NPAS3: variants seen among roughly 807,000 people sequenced by gnomAD.
NPAS3 encodes the protein neuronal PAS domain protein 3, also known as neuronal PAS domain-containing protein 3.
NPAS3 carries 14 observed loss-of-function variants against 73.1 expected under a neutral mutation model. The ratio of observed to expected loss-of-function variants is 0.19; its 90% CI spans 0.13 to 0.30. NPAS3 has a LOEUF of 0.30. Among genes scored for constraint, NPAS3 ranks in the 10% least tolerant of loss-of-function variants. The pLI, the probability that NPAS3 is intolerant of heterozygous loss-of-function variation, is 1.00. For missense variants in NPAS3, 1,096 were observed against 1,250.0 expected, an observed-to-expected ratio of 0.88 and a Z score of 1.86; for synonymous variants, 620 against 541.5, an observed-to-expected ratio of 1.14 and a Z score of -2.01.
chr14:32,938,834 C>CCCG (rs1047805754), upstream of NPAS3, among the ~76,000 whole-genome samples: 1,240 of 146,310 alleles, frequency 8.5e-3, 9 homozygotes, highest in African/African-American at 0.024. Flanking sequence ...GCCGCCTCCC[C>CCCG]CCGCCGCCGC....
chr14:33,689,470 T>C (rs1220358605), intron 6 of NPAS3, among the ~76,000 whole-genome samples: 2 of 152,168 alleles, frequency 1.3e-5, no homozygotes, highest in Admixed American at 6.5e-5. Context: ...GGTTAGGTGA[T>C]AGGAAACTGG....
Position 33,554,408 on chromosome 14 carries a change from A to G in NPAS3, c.469-5713A>G, listed in dbSNP as rs142474006. On this transcript the variant is annotated intron_variant, in intron 4 of 11. Transcript: ENST00000356141. ...TGCAGTCTGAGCCTGAATTGGAAGA[A>G]CATCACAGATGCATGGCACATTGGA... 9.9e-3 allele frequency among the ~76,000 whole-genome samples: 1,515 copies of G among 152,344 alleles called. 15 individuals are homozygous for G. The highest frequency in any genetic ancestry group is 0.054 in the Middle Eastern group (16 of 294).
At chr14:33,712,965 TTC>T (rs2060863554) in intron 6 of NPAS3, among the ~76,000 whole-genome samples, 1 of 152,146 alleles carries the variant, frequency 6.6e-6, no homozygotes, top group African/African-American at 2.4e-5. Context: ...AGGAGGCACT[TTC>T]TCTATGCTGT....
chr14:33,563,537 C>CACACACACACACACACAGAGAGAGAG, intron 5 of NPAS3, among the ~76,000 whole-genome samples: 101 of 119,684 alleles, frequency 8.4e-4, no homozygotes, highest in Non-Finnish European at 1.3e-3. Flanking sequence ...CACACACACA[C>CACACACACACACACACAGAGAGAGAG]AGAGAGAGAG....
intron 9 of NPAS3, among the ~76,000 whole-genome samples, chr14:33,779,756 C>T (rs1319445756): frequency 5.3e-5 from 8 of 152,174 alleles, no homozygotes; most frequent in African/African-American, 1.4e-4. Context: ...TAAGTGCACT[C>T]TGTGGTATCC....
At chr14:33,699,726 C>T (rs4528481) in intron 6 of NPAS3, among the ~76,000 whole-genome samples, 43,253 of 151,874 alleles carry the variant, frequency 0.28, 6,384 homozygotes, top group Admixed American at 0.41. Context: ...AATCATAGCC[C>T]AGTACCAAGT....
chr14:32,972,794 G>A (rs948652093), intron 1 of NPAS3, among the ~76,000 whole-genome samples: 2 of 152,128 alleles, frequency 1.3e-5, no homozygotes, highest in African/African-American at 4.8e-5. Context: ...TTCAGGAACT[G>A]GAAATGGATA....
intron 1 of NPAS3, among the ~76,000 whole-genome samples, chr14:33,053,790 T>A (rs1172425191): frequency 6.6e-6 from 1 of 152,178 alleles, no homozygotes; most frequent in East Asian, 1.9e-4. Context: ...TGGTAGTCCT[T>A]CTTTTCCCCC....
At chr14:33,489,454 A>G (rs1208946600) in intron 4 of NPAS3, among the ~76,000 whole-genome samples, 1 of 152,198 alleles carries the variant, frequency 6.6e-6, no homozygotes. Context: ...TTTTAAAAAA[A>G]CAGCAAAAAA....
chr14:33,596,852 T>G (rs1384716822), intron 5 of NPAS3, among the ~76,000 whole-genome samples: 2 of 152,198 alleles, frequency 1.3e-5, no homozygotes, highest in African/African-American at 4.8e-5. Context: ...CAGATGGTAG[T>G]CATTTGGCTC....
At chr14:33,626,211 T>G (rs2058214405) in intron 5 of NPAS3, among the ~76,000 whole-genome samples, 1 of 152,178 alleles carries the variant, frequency 6.6e-6, no homozygotes, top group Non-Finnish European at 1.5e-5. Flanking sequence ...TCTACAAACA[T>G]CTAAGTATAT....
chr14:33,800,194 C>G lies in NPAS3; in HGVS notation c.1887C>G (p.Gly629=). ...CGAGCCCAGGCGGCCTGGACGCGGG[C>G]CTGGTGGAGCCCCCGCGGCTGCTGT... Residue 629 remains glycine, a synonymous_variant, in exon 12 of 12, where the codon GGC becomes GGG. Transcript: ENST00000356141. This position sits in a 1 kb window ranked among gnomAD's most constrained non-coding sequence, Gnocchi z 6.5. 3 of 1,611,912 alleles carry G rather than the reference C, an allele frequency of 1.9e-6. No homozygotes were observed. Among genetic ancestry groups the G allele is most frequent in the Non-Finnish European group, 2.5e-6 (3 of 1,179,504 alleles).
rs10674790 is a variant in NPAS3, at chr14:33,147,730, AAT to A, written c.141-67428_141-67427del. Reference sequence around the variant, plus strand: ...CCCTAGAACTTAAAGTAGAATAAAAAATATATATATATATATATATATATACA... The same window carrying A: ...CCCTAGAACTTAAAGTAGAATAAAAAATATATATATATATATATATATACA... On this transcript the variant is annotated intron_variant, in intron 2 of 11. Coordinates refer to ENST00000356141, the Ensembl canonical transcript of NPAS3. 5.5e-3 allele frequency among the ~76,000 whole-genome samples: 723 copies of A among 130,358 alleles called. 4 individuals are homozygous for A. The highest frequency in any genetic ancestry group is 8.5e-3 in the Non-Finnish European group (546 of 64,576). The allele number at this position is 130,358 out of a possible 152,430, so 85.5% of individuals were successfully genotyped here.
rs564683216 is a variant in NPAS3 at position 33,771,740 on chromosome 14, C to T, written c.853-2597C>T. Reference sequence around the variant, plus strand: ...GCAGGAGAATGGCGTGAACCTGGGACGCAGAGCTTGCAGTGAGCCGAGATC... The same window carrying T: ...GCAGGAGAATGGCGTGAACCTGGGATGCAGAGCTTGCAGTGAGCCGAGATC... On this transcript the variant is annotated intron_variant, in intron 7 of 11. Transcript: ENST00000356141. Among the ~76,000 whole-genome samples, 155 of 151,798 alleles carry T rather than the reference C, an allele frequency of 1.0e-3. 2 individuals carry two copies. The highest frequency in any genetic ancestry group is 8.7e-3 in the Admixed American group (133 of 15,260).
At chr14:33,270,448 A>T (rs927723351) in intron 3 of NPAS3, among the ~76,000 whole-genome samples, 1 of 152,160 alleles carries the variant, frequency 6.6e-6, no homozygotes, top group African/African-American at 2.4e-5. Context: ...GTGTAGTATG[A>T]ATAAGGCATT....
chr14:33,763,120 A>G (rs78029596), intron 7 of NPAS3, among the ~76,000 whole-genome samples: 3,483 of 152,228 alleles, frequency 0.023, 137 homozygotes, highest in African/African-American at 0.079. Context: ...CGCTTCTTTA[A>G]TGTGGAAGGG....
intron 9 of NPAS3, among the ~76,000 whole-genome samples, chr14:33,785,556 A>C (rs2063145273): frequency 6.6e-6 from 1 of 152,030 alleles, no homozygotes; most frequent in African/African-American, 2.4e-5. Context: ...ATCTTATACA[A>C]ACTATTTTTT....
intron 2 of NPAS3, among the ~76,000 whole-genome samples, chr14:33,057,997 A>C (rs1194034608): frequency 6.6e-6 from 1 of 152,310 alleles, no homozygotes; most frequent in East Asian, 1.9e-4. Flanking sequence ...TCTCCAATTA[A>C]GTTTTTGGCT....
intron 1 of NPAS3, among the ~76,000 whole-genome samples, chr14:32,958,013 C>T (rs1386932756): frequency 5.3e-5 from 8 of 152,206 alleles, no homozygotes; most frequent in Non-Finnish European, 1.0e-4. Flanking sequence ...TTAGCTTTTA[C>T]ATTATAACCA....
Sources: gnomAD v4.1 joint callset for allele counts (sites outside exome capture counted in the v4.1 genomes callset) on GRCh38, gnomAD v4.1.1 for gene constraint, Gnocchi (gnomAD v3.1) non-coding constraint, MANE v1.5 for transcripts, NCBI Gene and HGNC (gene_info 2026-07-23, HGNC 2026-07-21) for gene names.